The following PLA2G4A variants were observed in gnomAD, a reference collection of about 807,000 sequenced individuals.
PLA2G4A encodes the protein phospholipase A2 group IVA, also known as cytosolic phospholipase A2.
PLA2G4A carries 40 observed loss-of-function variants against 81.9 expected under a neutral mutation model. That is an observed-to-expected ratio of 0.49 (90% confidence interval 0.38 to 0.64). The LOEUF is 0.64. Among genes scored for constraint, PLA2G4A ranks in the 30% least tolerant of loss-of-function variants. The pLI is 0.00. For missense variants in PLA2G4A, 715 were observed against 905.1 expected, an observed-to-expected ratio of 0.79 and a Z score of 2.69; for synonymous variants, 302 against 296.9, an observed-to-expected ratio of 1.02 and a Z score of -0.18.
At chr1:186,982,249 TAC>T (rs1486072131) in intron 17 of PLA2G4A, among the ~76,000 whole-genome samples, 1 of 152,236 alleles carries the variant, frequency 6.6e-6, no homozygotes. Flanking sequence ...TTGCTTCTGC[TAC>T]AGTTTCTGGC....
Position 186,850,802 on chromosome 1 carries a change from C to T in PLA2G4A, c.-69-3484C>T, listed in dbSNP as rs552715126. Reference sequence around the variant, plus strand: ...TAGGGCCACAAAGTTTCATGGTATACACCTGTCTGATTCACCATTTTTTTG... The same window carrying T: ...TAGGGCCACAAAGTTTCATGGTATATACCTGTCTGATTCACCATTTTTTTG... On this transcript the variant is annotated intron_variant, in intron 1 of 17. Coordinates refer to ENST00000367466, the MANE Select transcript of PLA2G4A (RefSeq NM_024420.3). Among the ~76,000 whole-genome samples the T allele has an allele frequency of 2.0e-5, 3 of 152,028 alleles. No homozygotes were observed. The South Asian group carries it at 6.2e-4, about 32-fold the overall frequency.
chr1:186,899,918 G>C (rs1654477220), intron 5 of PLA2G4A, among the ~76,000 whole-genome samples: 1 of 152,186 alleles, frequency 6.6e-6, no homozygotes, highest in African/African-American at 2.4e-5. Context: ...TGCAATGATT[G>C]CTTAGAAGCA....
At chr1:186,857,167 A>AT (rs1474211798) in intron 2 of PLA2G4A, among the ~76,000 whole-genome samples, 168 of 41,360 alleles carry the variant, frequency 4.1e-3, no homozygotes, top group African/African-American at 0.018. Flanking sequence ...AATATAATAT[A>AT]ATTATATAAT....
intron 7 of PLA2G4A, among the ~76,000 whole-genome samples, chr1:186,917,126 G>A (rs551764016): frequency 5.9e-5 from 9 of 152,206 alleles, no homozygotes; most frequent in African/African-American, 2.2e-4. Context: ...CAGGATGATG[G>A]TCTGAGGTCC....
At chr1:186,830,945 GCTTGCTTGCTTGCTTT>G (rs1427598586) in intron 1 of PLA2G4A, among the ~76,000 whole-genome samples, 1,316 of 40,100 alleles carry the variant, frequency 0.033, 15 homozygotes, top group East Asian at 0.097. Flanking sequence ...TAGCTTGCTT[GCTTGCTTGCTTGCTTT>G]CTTTCTTTCT....
intron 1 of PLA2G4A, among the ~76,000 whole-genome samples, chr1:186,853,263 A>ATTT (rs1558363059): frequency 5.3e-5 from 8 of 150,362 alleles, no homozygotes; most frequent in Non-Finnish European, 1.0e-4. Context: ...CATTTTTTTA[A>ATTT]AAAAAAATTT....
At chr1:186,950,636 T>G (rs1656523214) in intron 12 of PLA2G4A, 21 bp from the exon 13 acceptor site, 2 of 1,418,622 alleles carry the variant, frequency 1.4e-6, no homozygotes, top group Non-Finnish European at 2.0e-6. Flanking sequence ...ATGCTTCAAT[T>G]TTTTTGTTTT....
At chr1:186,857,131 T>TATTTTATA (rs1652593634) in intron 2 of PLA2G4A, among the ~76,000 whole-genome samples, 3 of 2,406 alleles carry the variant, frequency 1.2e-3, no homozygotes, top group African/African-American at 1.7e-3. Context: ...TTCTATAATA[T>TATTTTATA]ATATTATATA....
intron 14 of PLA2G4A, among the ~76,000 whole-genome samples, chr1:186,960,645 G>T (rs1248971350): frequency 6.6e-6 from 1 of 152,130 alleles, no homozygotes; most frequent in Non-Finnish European, 1.5e-5. Context: ...AGCTGCTTGA[G>T]GATAGTACTT....
Position 186,965,518 on chromosome 1 carries a change from A to G in PLA2G4A, c.1689A>G (p.Arg563=), listed in dbSNP as rs1183310302. 1.2e-6 allele frequency: 2 copies of G among 1,612,458 alleles called. No individual in the cohort carries two copies. Among genetic ancestry groups the G allele is most frequent in the East Asian group, 2.2e-5 (1 of 44,858 alleles). The change falls in exon 15 of 18, where the codon AGA becomes AGG. Residue 563 remains arginine (R), a synonymous_variant. Coordinates refer to ENST00000367466, the MANE Select transcript of PLA2G4A (RefSeq NM_024420.3). ...TFNLPYPLIL[R]PQRGVDLIIS... is the part of the protein sequence containing the mutation. The stretch of plus-strand genomic sequence containing the variant: ...ACCTGCCGTATCCCTTGATACTGAG[A>G]CCTCAGAGAGGGGTTGATCTCATAA...
intron 14 of PLA2G4A, 151 bp downstream of exon 14, chr1:186,956,495 G>C (rs928450588): frequency 1.6e-5 from 13 of 808,946 alleles, no homozygotes; most frequent in Non-Finnish European, 2.5e-5. Context: ...AAATGACTAG[G>C]GTTTTTTTTT....
chr1:186,901,993 G>A (rs950613999), intron 5 of PLA2G4A, among the ~76,000 whole-genome samples: 1 of 152,222 alleles, frequency 6.6e-6, no homozygotes, highest in Admixed American at 6.5e-5. Context: ...GCATCCTTAG[G>A]TGACTTCATT....
chr1:186,896,703 A>C (rs1181357409), intron 5 of PLA2G4A, among the ~76,000 whole-genome samples: 1 of 152,200 alleles, frequency 6.6e-6, no homozygotes, highest in Admixed American at 6.5e-5. Context: ...GGCTTTCCAC[A>C]TTCCTGAATT....
intron 7 of PLA2G4A, among the ~76,000 whole-genome samples, chr1:186,920,136 G>C (rs1357776894): frequency 6.6e-6 from 1 of 152,138 alleles, no homozygotes; most frequent in African/African-American, 2.4e-5. Flanking sequence ...GCCTGGCTCG[G>C]TTAGAAAAAG....
intron 7 of PLA2G4A, among the ~76,000 whole-genome samples, chr1:186,932,246 T>C (rs916571747): frequency 6.6e-6 from 1 of 152,064 alleles, no homozygotes; most frequent in African/African-American, 2.4e-5. Flanking sequence ...TTTTTTCTAA[T>C]AGACATTGCT....
intron 7 of PLA2G4A, among the ~76,000 whole-genome samples, chr1:186,926,045 C>G (rs144141257): frequency 6.6e-6 from 1 of 152,262 alleles, no homozygotes; most frequent in African/African-American, 2.4e-5. Flanking sequence ...TATCAGGTTG[C>G]TAGGGAAACA....
At chr1:186,947,091 A>C (rs1478261977) in intron 12 of PLA2G4A, 130 bp downstream of exon 12, 2 of 633,704 alleles carry the variant, frequency 3.2e-6, no homozygotes, top group African/African-American at 1.9e-5. Context: ...ATTTGGTTGA[A>C]TCAATCTAAA....
intron 1 of PLA2G4A, among the ~76,000 whole-genome samples, chr1:186,845,159 A>C (rs1652127525): frequency 6.6e-6 from 1 of 152,074 alleles, no homozygotes; most frequent in South Asian, 2.1e-4. Flanking sequence ...GCAGTGAGCC[A>C]AGATTGCACT....
At chr1:186,913,467 GTCCATCTT>G (rs1211868696) in intron 7 of PLA2G4A, among the ~76,000 whole-genome samples, 4 of 151,566 alleles carry the variant, frequency 2.6e-5, no homozygotes, top group Admixed American at 6.6e-5. Flanking sequence ...TTATATATCT[GTCCATCTT>G]TCTATCTGAA....
Sources: allele counts gnomAD v4.1 joint callset (sites outside exome capture counted in the v4.1 genomes callset), GRCh38; gene constraint gnomAD v4.1.1; transcripts MANE v1.5; gene names NCBI Gene and HGNC (gene_info 2026-07-23, HGNC 2026-07-21).